The following CPD variants were observed in gnomAD, a reference collection of about 807,000 sequenced individuals.
CPD encodes the protein metallocarboxypeptidase D.
CPD carries 69 observed loss-of-function variants against 138.3 expected under a neutral mutation model. That is an observed-to-expected ratio of 0.50 (90% CI 0.41 to 0.61). The LOEUF is 0.61. CPD is among the 20% of genes least tolerant of loss of function. The pLI is 0.00. For synonymous variants in CPD, 651 were observed against 642.1 expected, an observed-to-expected ratio of 1.01 and a Z score of -0.21; for missense variants, 1,432 against 1,733.3, an observed-to-expected ratio of 0.83 and a Z score of 3.09.
intron 2 of CPD, among the ~76,000 whole-genome samples, chr17:30,414,971 C>A (rs1411736139): frequency 2.3e-5 from 3 of 128,186 alleles, no homozygotes; most frequent in Non-Finnish European, 4.9e-5. Flanking sequence ...GGGTTGTCAC[C>A]CTGTAGATCA....
At chr17:30,394,901 ATGTG>A (rs113868957) in intron 2 of CPD, among the ~76,000 whole-genome samples, 2,394 of 148,410 alleles carry the variant, frequency 0.016, 26 homozygotes, top group Non-Finnish European at 0.024. Context: ...GCATGTGTGT[ATGTG>A]TGTGTGTGTG....
At chr17:30,461,158 G>T in intron 17 of CPD, 22 bp from the exon 18 acceptor site, 1 of 1,551,018 alleles carries the variant, frequency 6.4e-7, no homozygotes. Flanking sequence ...TCCCACATTT[G>T]ATTTTGAACT....
Position 30,403,588 on chromosome 17 carries a change from AC to A in CPD, c.995-17251del, listed in dbSNP as rs1911731386. ...ATACAAATTAAAACCACAATTAGAT[AC>A]CACTCGTCTTCCACTAGAATGCTTA... On this transcript the variant is annotated intron_variant, in intron 2 of 20. Coordinates refer to ENST00000225719, the MANE Select transcript of CPD (RefSeq NM_001304.5). Among the ~76,000 whole-genome samples, 3 of 152,206 alleles carry A rather than the reference AC, an allele frequency of 2.0e-5. No homozygotes were observed. The South Asian group carries it at 6.2e-4, about 31-fold the overall frequency.
chr17:30,464,894 A>T lies in CPD; in HGVS notation c.*80A>T. ...CTTGGGAGAACACTGCATTAAGAAG[A>T]GAGACTCTCTTGCTTCTTCAAAGAG... On this transcript the variant is annotated 3_prime_UTR_variant, in exon 21 of 21. Coordinates refer to ENST00000225719, the MANE Select transcript of CPD (RefSeq NM_001304.5). The T allele has an allele frequency of 9.2e-7, 1 of 1,092,192 alleles. No homozygotes were observed. Among genetic ancestry groups the T allele is most frequent in the South Asian group, 1.3e-5 (1 of 76,444 alleles). 67.7% of individuals were successfully genotyped at this position (1,092,192 alleles called of 1,614,324 possible).
chr17:30,464,827 G>T lies in CPD; in HGVS notation c.*13G>T. 6.2e-7 allele frequency: 1 copy of T among 1,604,614 alleles called. No homozygotes were observed. The highest frequency in any genetic ancestry group is 8.5e-7 in the Non-Finnish European group (1 of 1,172,246). On this transcript the variant is annotated 3_prime_UTR_variant, in exon 21 of 21. Transcript: ENST00000225719. ...TAGCAAACATTGAAAAACACATTTT[G>T]CATATCTCCCAGCATAAGTACCAAG...
intron 2 of CPD, among the ~76,000 whole-genome samples, chr17:30,406,505 G>A (rs1911803542): frequency 6.6e-6 from 1 of 152,058 alleles, no homozygotes; most frequent in Admixed American, 6.6e-5. Flanking sequence ...ACAAGTTATG[G>A]TCCAATTAAA....
chr17:30,401,939 C>CT lies in CPD; in HGVS notation c.994+16718dup, dbSNP rs35596472. The stretch of plus-strand genomic sequence containing the variant: ...TATGGTGTTTCTAGCCATTATTTCA[C>CT]TTTTTTTTTTTTTTTAAATAGCATG... On this transcript the variant is annotated intron_variant, in intron 2 of 20. Coordinates refer to ENST00000225719, the MANE Select transcript of CPD (RefSeq NM_001304.5). 5.6e-3 allele frequency among the ~76,000 whole-genome samples: 776 copies of CT among 139,434 alleles called. 4 individuals are homozygous for CT. The highest frequency in any genetic ancestry group is 0.017 in the African/African-American group (667 of 38,510). The allele number at this position is 139,434 out of a possible 152,430, so 91.5% of individuals were successfully genotyped here. A position where few individuals can be genotyped will look rare whatever the true frequency, so the allele number is the denominator to read the frequency against.
At position 30,422,919 on chromosome 17, in the gene CPD, A is replaced by G. The variant is rs541307210; in HGVS notation, c.1553A>G (p.Asn518Ser). Residue 518 changes from asparagine (N) to serine (S), a missense_variant, in exon 5 of 21, where the codon AAT (asparagine) becomes AGT (serine). Around this residue, in one of 6 missense-constraint regions of CPD, gnomAD observed 297 missense variants for 405.3 expected, o/e 0.73. Coordinates refer to ENST00000225719, the MANE Select transcript of CPD (RefSeq NM_001304.5). The stretch of plus-strand genomic sequence containing the variant: ...GAAATCTTCTTGAGAAGGTTTGCCA[A>G]TGAATATCCTAACATTACCCGGCTT... ...DMEIFLRRFA[N>S]EYPNITRLYS... is the part of the protein sequence containing the mutation. 3.0e-5 allele frequency: 48 copies of G among 1,614,128 alleles called. No individual in the cohort carries two copies. Among genetic ancestry groups the G allele is most frequent in the South Asian group, 1.8e-4 (16 of 91,084 alleles).
intron 2 of CPD, among the ~76,000 whole-genome samples, chr17:30,388,678 C>A (rs965610479): frequency 1.3e-5 from 2 of 152,198 alleles, no homozygotes; most frequent in Admixed American, 1.3e-4. Flanking sequence ...CAGCTCCCGC[C>A]GACTCAGTGG....
chr17:30,425,383 G>A (rs1461129777), intron 6 of CPD, among the ~76,000 whole-genome samples: 3 of 152,026 alleles, frequency 2.0e-5, no homozygotes, highest in Non-Finnish European at 4.4e-5. Flanking sequence ...GGCCAGGCGT[G>A]GTGGCTCATG....
chr17:30,380,485 C>T (rs948062530), intron 1 of CPD: 12 of 1,308,672 alleles, frequency 9.2e-6, no homozygotes, highest in African/African-American at 1.5e-5. Context: ...GTCATTTGTG[C>T]ACCTTATTAG....
At chr17:30,437,252 G>A (rs572310835) in intron 8 of CPD, among the ~76,000 whole-genome samples, 1 of 152,132 alleles carries the variant, frequency 6.6e-6, no homozygotes, top group South Asian at 2.1e-4. Context: ...AAAAACCATT[G>A]AATTGTACAC....
chr17:30,407,550 G>A (rs1358788522), intron 2 of CPD, among the ~76,000 whole-genome samples: 24 of 152,024 alleles, frequency 1.6e-4, no homozygotes, highest in Non-Finnish European at 2.2e-4. Context: ...TTTGATTTGC[G>A]TTTCTCTGAT....
intron 17 of CPD, among the ~76,000 whole-genome samples, chr17:30,459,277 G>A (rs922249224): frequency 6.7e-6 from 1 of 148,396 alleles, no homozygotes; most frequent in Non-Finnish European, 1.5e-5. Flanking sequence ...TGTGCACAAC[G>A]TGCAGGTTAG....
intron 1 of CPD, 98 bp from the exon 2 acceptor site, chr17:30,384,891 T>C: frequency 7.5e-7 from 1 of 1,336,724 alleles, no homozygotes; most frequent in Non-Finnish European, 1.0e-6. Context: ...CCAAGAGAGA[T>C]ATTGGAGTTT....
intron 2 of CPD, among the ~76,000 whole-genome samples, chr17:30,392,091 C>T (rs1911373936): frequency 6.6e-6 from 1 of 151,106 alleles, no homozygotes; most frequent in African/African-American, 2.4e-5. Flanking sequence ...CTCACTGCAG[C>T]CTCTGCCTCC....
chr17:30,389,883 AT>A (rs1911303718), intron 2 of CPD, among the ~76,000 whole-genome samples: 1 of 152,176 alleles, frequency 6.6e-6, no homozygotes, highest in East Asian at 1.9e-4. Context: ...CTCAGCAAAT[AT>A]TGAGCAGTTT....
chr17:30,431,952 G>A (rs1307781945), intron 8 of CPD, 71 bp downstream of exon 8: 4 of 1,060,572 alleles, frequency 3.8e-6, no homozygotes, highest in Middle Eastern at 2.7e-4. Flanking sequence ...TTAAAGTCCT[G>A]CAAGACTCAG....
intron 12 of CPD, among the ~76,000 whole-genome samples, chr17:30,447,238 A>G (rs1002386983): frequency 2.0e-5 from 3 of 152,166 alleles, no homozygotes; most frequent in African/African-American, 7.2e-5. Context: ...TTTTAGACAT[A>G]AAGTTCTTGC....
Sources: allele counts gnomAD v4.1 joint callset (sites outside exome capture counted in the v4.1 genomes callset), GRCh38; gene constraint gnomAD v4.1.1; regional missense constraint gnomAD v4.1.1; transcripts MANE v1.5; gene names NCBI Gene and HGNC (gene_info 2026-07-23, HGNC 2026-07-21).